Variants in ABCA8 observed in about 807,000 individuals in gnomAD.
The protein encoded by ABCA8 is ATP binding cassette subfamily A member 8.
ABCA8 carries 177 observed loss-of-function variants against 192.3 expected under a neutral mutation model. The ratio of observed to expected loss-of-function variants is 0.92; its 90% CI spans 0.81 to 1.04. ABCA8 has a LOEUF of 1.04. Ranked by LOEUF, ABCA8 falls within the 50% of genes least tolerant of loss-of-function variation. The pLI, the probability that ABCA8 is intolerant of heterozygous loss-of-function variation, is 0.00. For missense variants in ABCA8, 1,915 were observed against 1,904.8 expected (o/e 1.01, Z -0.10); for synonymous variants, 642 against 690.2 (o/e 0.93, Z 1.09).
At chr17:68,921,185 C>T (rs1235456129) in intron 13 of ABCA8, among the ~76,000 whole-genome samples, 197 bp downstream of exon 13, 2 of 151,972 alleles carry the variant, frequency 1.3e-5, no homozygotes, top group African/African-American at 4.8e-5. Flanking sequence ...GAACATCACA[C>T]ACCAGGGCCT....
In ABCA8 at chr17:68,906,524, A is replaced by G. The variant is rs868155337; in HGVS notation, c.2279-361T>C. Among the ~76,000 whole-genome samples the G allele has an allele frequency of 5.9e-5, 9 of 152,178 alleles. No individual in the cohort carries two copies. The South Asian group carries it at 1.9e-3, about 31-fold the overall frequency. ...TTGAAAAGTCTTTTCTAGAGAACAG[A>G]TATAAATGGGAGCCATTTATGTTCT... On this transcript the variant is annotated intron_variant, in intron 18 of 39. Transcript: ENST00000586539.
At chr17:68,899,342 CAT>C (rs2066846919) in intron 21 of ABCA8, among the ~76,000 whole-genome samples, 1 of 151,904 alleles carries the variant, frequency 6.6e-6, no homozygotes, top group Non-Finnish European at 1.5e-5. Flanking sequence ...ATAGGAGACA[CAT>C]ATCAAATTAA....
intron 31 of ABCA8, among the ~76,000 whole-genome samples, 160 bp downstream of exon 31, chr17:68,881,702 TA>T (rs1369197523): frequency 6.6e-6 from 1 of 152,204 alleles, no homozygotes; most frequent in Admixed American, 6.5e-5. Context: ...TGAGGTGAGT[TA>T]ATTTAAGTTA....
chr17:68,891,111 G>A (rs2066613004), intron 24 of ABCA8, among the ~76,000 whole-genome samples: 1 of 151,860 alleles, frequency 6.6e-6, no homozygotes, highest in Non-Finnish European at 1.5e-5. Flanking sequence ...TATATGTGTG[G>A]GTTTATTTCT....
At chr17:68,945,428 CT>C (rs2068372550) in intron 2 of ABCA8, among the ~76,000 whole-genome samples, 1 of 151,876 alleles carries the variant, frequency 6.6e-6, no homozygotes, top group Non-Finnish European at 1.5e-5. Flanking sequence ...TAATTTTCTT[CT>C]ATTGTATTCA....
At position 68,868,124 on chromosome 17, in the gene ABCA8, G is replaced by C. The variant is rs1289782858; in HGVS notation, c.4827C>G (p.Pro1609=). The change falls in exon 40 of 40, where the codon CCC becomes CCG. Residue 1609 remains proline, a synonymous_variant. Coordinates refer to ENST00000586539, the MANE Select transcript of ABCA8 (RefSeq NM_001288985.2). ...ELGDFEEDFD[P]SVKWKLLPQE... is the part of the protein sequence containing the mutation. ...GGGGGAGGAGCTTCCACTTCACTGA[G>C]GGATCAAAATCCTCCTCAAAATCAC... The C allele has an allele frequency of 6.2e-7, 1 of 1,613,132 alleles. No homozygotes were observed. The highest frequency in any genetic ancestry group is 1.7e-5 in the Admixed American group (1 of 59,820).
chr17:68,895,939 A>T (rs2066743771), intron 21 of ABCA8, among the ~76,000 whole-genome samples: 1 of 151,990 alleles, frequency 6.6e-6, no homozygotes, highest in South Asian at 2.1e-4. Context: ...TTTCCACGAC[A>T]GGAGAGGCAA....
chr17:68,909,156 G>A (rs149982211), intron 17 of ABCA8, among the ~76,000 whole-genome samples: 2 of 152,198 alleles, frequency 1.3e-5, no homozygotes, highest in Non-Finnish European at 2.9e-5. Context: ...GAGTGCTGGG[G>A]CGGAATGAAT....
chr17:68,868,370 A>C lies in ABCA8; in HGVS notation c.4712-14T>G. On this transcript the variant is annotated splice_polypyrimidine_tract_variant and intron_variant, in intron 38 of 39. Coordinates refer to ENST00000586539, the MANE Select transcript of ABCA8 (RefSeq NM_001288985.2). ...AGCTCTGTTTAACTGCATAGGGATG[A>C]ACATGTATTAGTTCATATATTTCAT... 1 of 1,606,050 alleles carries C rather than the reference A, an allele frequency of 6.2e-7. No homozygotes were observed. Among genetic ancestry groups the C allele is most frequent in the Non-Finnish European group, 8.5e-7 (1 of 1,172,852 alleles).
At chr17:68,913,305 TCAAA>T (rs1306721349) in intron 17 of ABCA8, among the ~76,000 whole-genome samples, 8 of 151,572 alleles carry the variant, frequency 5.3e-5, no homozygotes, top group South Asian at 2.1e-4. Flanking sequence ...GAGAAAAACT[TCAAA>T]CAAACAACCT....
intron 11 of ABCA8, among the ~76,000 whole-genome samples, chr17:68,922,737 T>C (rs2067580166): frequency 9.2e-5 from 14 of 152,126 alleles, no homozygotes; most frequent in Admixed American, 9.2e-4. Context: ...CAAGGTTCAT[T>C]AAGAACTACA....
At chr17:68,893,297 A>G (rs2066659875) in intron 23 of ABCA8, among the ~76,000 whole-genome samples, 2 of 152,252 alleles carry the variant, frequency 1.3e-5, no homozygotes, top group African/African-American at 4.8e-5. Context: ...AAAAGGAATC[A>G]TTACAAACTT....
chr17:68,936,216 A>T (rs1370347320), intron 5 of ABCA8, among the ~76,000 whole-genome samples: 1 of 150,804 alleles, frequency 6.6e-6, no homozygotes, highest in Admixed American at 6.6e-5. Flanking sequence ...TTTTTGTTGT[A>T]TTTGCTTTTG....
intron 26 of ABCA8, among the ~76,000 whole-genome samples, 166 bp from the exon 27 acceptor site, chr17:68,885,481 C>G (rs937049940): frequency 6.6e-6 from 1 of 151,978 alleles, no homozygotes; most frequent in Non-Finnish European, 1.5e-5. Context: ...AGCCAAATTC[C>G]TTTGGCCTAG....
intron 2 of ABCA8, among the ~76,000 whole-genome samples, chr17:68,946,958 AG>A (rs2068428537): frequency 6.6e-6 from 1 of 152,090 alleles, no homozygotes; most frequent in Non-Finnish European, 1.5e-5. Context: ...AGAGAGAGAG[AG>A]AGAGAGAGAC....
At chr17:68,918,704 C>A (rs532709093) in intron 14 of ABCA8, among the ~76,000 whole-genome samples, 158 bp from the exon 15 acceptor site, 1 of 152,004 alleles carries the variant, frequency 6.6e-6, no homozygotes, top group Non-Finnish European at 1.5e-5. Context: ...GAGGCTGAGG[C>A]GGGCAGATAA....
At chr17:68,942,112 C>A in intron 2 of ABCA8, 73 bp from the exon 3 acceptor site, 2 of 1,142,612 alleles carry the variant, frequency 1.8e-6, no homozygotes, top group South Asian at 1.4e-5. Context: ...CTGCAAACAA[C>A]AAAAAAACGT....
At chr17:68,937,901 C>G (rs1327168786) in intron 4 of ABCA8, among the ~76,000 whole-genome samples, 1 of 151,628 alleles carries the variant, frequency 6.6e-6, no homozygotes, top group African/African-American at 2.4e-5. Context: ...AGAATAATAT[C>G]ATTACAAAAT....
chr17:68,869,623 T>C (rs760482502), intron 38 of ABCA8, 77 bp downstream of exon 38: 18 of 1,054,938 alleles, frequency 1.7e-5, no homozygotes, highest in Non-Finnish European at 2.2e-5. Context: ...ACATTTCATT[T>C]TTGTCATAAA....
Sources: allele counts gnomAD v4.1 joint callset (sites outside exome capture counted in the v4.1 genomes callset), GRCh38; gene constraint gnomAD v4.1.1; transcripts MANE v1.5; gene names NCBI Gene and HGNC (gene_info 2026-07-23, HGNC 2026-07-21).